LDHC: variants seen among roughly 807,000 people sequenced by gnomAD.
LDHC encodes L-lactate dehydrogenase C chain.
In LDHC, 20 loss-of-function variants were observed where a neutral mutation model predicts 30.2. That is an observed-to-expected ratio of 0.66 (90% CI 0.47 to 0.96). The LOEUF (loss-of-function observed/expected upper bound fraction) is 0.96. LDHC is among the 40% of genes least tolerant of loss of function. LDHC has a pLI of 0.00. For missense variants in LDHC, 362 were observed against 394.9 expected (o/e 0.92, Z 0.71); for synonymous variants, 139 against 132.7 (o/e 1.05, Z -0.32).
At position 18,429,880 on chromosome 11, in the gene LDHC, G is replaced by C; in HGVS notation, c.388G>C (p.Asp130His). 1 of 1,609,338 alleles carries C rather than the reference G, an allele frequency of 6.2e-7. No homozygotes were observed. Among genetic ancestry groups the C allele is most frequent in the Non-Finnish European group, 8.5e-7 (1 of 1,176,768 alleles). ...IIPAIVHYSP[D>H]CKILVVSNPV... is the part of the protein sequence containing the mutation. ...TCCTGCCATAGTCCATTATAGTCCT[G>C]ATTGTAAAATTCTTGTTGTTTCAAA... Residue 130 changes from aspartate to histidine, a missense_variant, in exon 4 of 8, where the codon GAT becomes CAT. By Grantham distance (81) the Asp-to-His change is moderately conservative. Transcript: ENST00000541669.
intron 6 of LDHC, among the ~76,000 whole-genome samples, chr11:18,441,842 G>T (rs1017209228): frequency 2.6e-5 from 4 of 152,068 alleles, no homozygotes; most frequent in Non-Finnish European, 1.5e-5. Flanking sequence ...GGAGGTGGAG[G>T]TTGCTGTGAG....
intron 3 of LDHC, among the ~76,000 whole-genome samples, chr11:18,418,226 A>G (rs920852001): frequency 1.3e-5 from 2 of 149,000 alleles, no homozygotes; most frequent in African/African-American, 4.9e-5. Flanking sequence ...AATTATATAT[A>G]TAATAATAAA....
In LDHC at chr11:18,417,092, CAGG is replaced by C. The variant is rs1246810007; in HGVS notation, c.244+1792_244+1794del. On this transcript the variant is annotated intron_variant, in intron 3 of 7. Transcript: ENST00000541669. ...AGACACAGGGTTTCACCACGTTAGCCAGGCTGGTCTTGAACTCCTGACCTCAGG... is the reference window on the plus strand; with the variant it reads ...AGACACAGGGTTTCACCACGTTAGCCCTGGTCTTGAACTCCTGACCTCAGG... 9.2e-5 allele frequency among the ~76,000 whole-genome samples: 14 copies of C among 152,126 alleles called. 1 individual carries two copies.
At chr11:18,421,899 G>A (rs565999230) in intron 3 of LDHC, among the ~76,000 whole-genome samples, 15 of 151,932 alleles carry the variant, frequency 9.9e-5, no homozygotes, top group African/African-American at 2.9e-4. Flanking sequence ...CAACGCGGGC[G>A]AATCATTTGA....
intron 4 of LDHC, among the ~76,000 whole-genome samples, chr11:18,431,719 A>G (rs959515719): frequency 1.3e-5 from 2 of 151,362 alleles, no homozygotes; most frequent in African/African-American, 2.4e-5. Context: ...TAATTTTTGT[A>G]TTTGTATTTT....
chr11:18,427,500 CAGTT>C (rs1848181994), intron 3 of LDHC, among the ~76,000 whole-genome samples: 1 of 152,072 alleles, frequency 6.6e-6, no homozygotes, highest in African/African-American at 2.4e-5. Context: ...GGAATACTGG[CAGTT>C]AGACCTCAGA....
chr11:18,434,652 C>G, intron 4 of LDHC, 88 bp from the exon 5 acceptor site: 1 of 736,054 alleles, frequency 1.4e-6, no homozygotes, highest in Non-Finnish European at 2.4e-6. Context: ...GTATTTGACT[C>G]TAAAACAATT....
chr11:18,447,560 A>G (rs953448705), intron 7 of LDHC, among the ~76,000 whole-genome samples: 3 of 152,186 alleles, frequency 2.0e-5, no homozygotes, highest in Non-Finnish European at 4.4e-5. Flanking sequence ...TGGATTATTC[A>G]TATGTATATT....
chr11:18,440,481 A>G (rs1273036901), intron 6 of LDHC, among the ~76,000 whole-genome samples: 2 of 152,174 alleles, frequency 1.3e-5, no homozygotes, highest in African/African-American at 4.8e-5. Context: ...TTTGGTTATA[A>G]AAAGTAACAT....
intron 3 of LDHC, among the ~76,000 whole-genome samples, chr11:18,429,164 G>C (rs1467593773): frequency 7.1e-6 from 1 of 141,414 alleles, no homozygotes; most frequent in Admixed American, 7.3e-5. Flanking sequence ...CCAGGCTGGA[G>C]TGCAGTGGCG....
rs910097375 is a variant in LDHC at position 18,414,911 on chromosome 11, C to G, written c.127-273C>G. ...TCATTTTATTTTCCTTGGTTTCAAA[C>G]TGTTATCTGAATGGCAAAAAAAAAC... On this transcript the variant is annotated intron_variant, in intron 2 of 7. Coordinates refer to ENST00000541669, the MANE Select transcript of LDHC (RefSeq NM_017448.5). Among the ~76,000 whole-genome samples the G allele has an allele frequency of 2.0e-5, 3 of 151,166 alleles. No homozygotes were observed. In the South Asian group the frequency reaches 6.3e-4, roughly 32 times the overall value.
intron 6 of LDHC, among the ~76,000 whole-genome samples, chr11:18,441,457 C>T (rs767760811): frequency 2.6e-5 from 4 of 151,756 alleles, no homozygotes; most frequent in Non-Finnish European, 4.4e-5. Flanking sequence ...TACAAGCACG[C>T]GCCACCATGC....
intron 2 of LDHC, among the ~76,000 whole-genome samples, chr11:18,414,020 T>C (rs1284832324): frequency 2.0e-5 from 3 of 152,178 alleles, no homozygotes; most frequent in Non-Finnish European, 2.9e-5. Flanking sequence ...TTAGATTTTC[T>C]CTGTTGGCTT....
rs1848326093 is a variant in LDHC, at chr11:18,434,753, A to G, written c.432A>G (p.Thr144=). ...LVVSNPVDIL[T]YIVWKISGLP... Reference sequence around the variant, plus strand: ...TTTTCTTCTTAGTGGATATTTTGACATATATAGTCTGGAAGATAAGTGGCT... The same window carrying G: ...TTTTCTTCTTAGTGGATATTTTGACGTATATAGTCTGGAAGATAAGTGGCT... Residue 144 remains threonine, a synonymous_variant, in exon 5 of 8, where the codon ACA becomes ACG. Transcript: ENST00000541669. 1.9e-6 allele frequency: 3 copies of G among 1,600,068 alleles called. No individual in the cohort carries two copies. The highest frequency in any genetic ancestry group is 2.6e-6 in the Non-Finnish European group (3 of 1,168,710).
intron 3 of LDHC, among the ~76,000 whole-genome samples, chr11:18,427,175 G>T (rs916425533): frequency 6.6e-6 from 1 of 151,882 alleles, no homozygotes; most frequent in Non-Finnish European, 1.5e-5. Context: ...GGTCAAGATG[G>T]TGAAACCCCG....
intron 6 of LDHC, among the ~76,000 whole-genome samples, chr11:18,441,109 A>G (rs1046886150): frequency 1.3e-5 from 2 of 151,780 alleles, no homozygotes; most frequent in Non-Finnish European, 2.9e-5. Flanking sequence ...TGGGCAACAG[A>G]GTGAGACCTC....
intron 6 of LDHC, among the ~76,000 whole-genome samples, chr11:18,445,144 T>C (rs141279082): frequency 1.4e-3 from 209 of 152,314 alleles, no homozygotes; most frequent in African/African-American, 4.7e-3. Flanking sequence ...GAAAGATATA[T>C]ACACACAGCT....
chr11:18,439,891 C>T (rs891686642), intron 6 of LDHC, among the ~76,000 whole-genome samples: 2 of 147,762 alleles, frequency 1.4e-5, no homozygotes, highest in East Asian at 4.0e-4. Context: ...ACTTGGGAGG[C>T]TGAGGCACAA....
In LDHC at chr11:18,451,853, T is replaced by C; in HGVS notation, c.*726T>C. The C allele has an allele frequency of 6.6e-6, 1 of 152,100 alleles. No individual in the cohort carries two copies. The highest frequency in any genetic ancestry group is 1.5e-5 in the Non-Finnish European group (1 of 68,006). The allele number at this position is 152,100 out of a possible 1,614,324, so 9.4% of individuals were successfully genotyped here. ...CAGCTACTTGGGAGACTGAGACCAG[T>C]AGATAACTTGAGCCCAGGAGTTCAA... On this transcript the variant is annotated 3_prime_UTR_variant, in exon 8 of 8. Transcript: ENST00000541669.
Sources: gnomAD v4.1 joint callset for allele counts (sites outside exome capture counted in the v4.1 genomes callset) on GRCh38, gnomAD v4.1.1 for gene constraint, MANE v1.5 for transcripts, NCBI Gene and HGNC (gene_info 2026-07-23, HGNC 2026-07-21) for gene names.